LCT: variants seen among roughly 807,000 people sequenced by gnomAD.
The protein encoded by LCT is lactase.
In LCT, 90 loss-of-function variants were observed where a neutral mutation model predicts 173.0. The ratio of observed to expected loss-of-function variants is 0.52; its 90% confidence interval spans 0.44 to 0.62. LCT has a LOEUF of 0.62. LCT is among the 20% of genes least tolerant of loss of function. The probability of loss-of-function intolerance (pLI) is 0.00; values close to 1 mark genes in which losing one functional copy is unlikely to be tolerated. For synonymous variants in LCT, 853 were observed against 957.6 expected (o/e 0.89, Z 2.02); for missense variants, 1,864 against 2,431.4 (o/e 0.77, Z 4.91).
At chr2:135,820,061 T>G (rs968864742) in intron 5 of LCT, 2 of 152,180 alleles carry the variant, frequency 1.3e-5, no homozygotes, top group African/African-American at 4.8e-5. Flanking sequence ...TGCCACATTC[T>G]CATGTGAGAG....
At position 135,787,969 on chromosome 2, in the gene LCT, G is replaced by T. The variant is rs1559546840; in HGVS notation, c.*355C>A. 1 of 316,014 alleles carries T rather than the reference G, an allele frequency of 3.2e-6. No homozygotes were observed. The allele number at this position is 316,014 out of a possible 1,614,324, so 19.6% of individuals were successfully genotyped here. A position where few individuals can be genotyped will look rare whatever the true frequency, so the allele number is the denominator to read the frequency against. Reference sequence around the variant, plus strand: ...GGAGTTGATTTCTTCTTATAGGAAGGATTTTTACGGTTTTTGCTCCCTTAA... The same window carrying T: ...GGAGTTGATTTCTTCTTATAGGAAGTATTTTTACGGTTTTTGCTCCCTTAA... On this transcript the variant is annotated 3_prime_UTR_variant, in exon 17 of 17. Transcript: ENST00000264162.
chr2:135,834,169 G>T (rs895824035), intron 1 of LCT, among the ~76,000 whole-genome samples: 4 of 152,012 alleles, frequency 2.6e-5, no homozygotes, highest in African/African-American at 9.7e-5. Flanking sequence ...GAATAAGGCA[G>T]CTATGATGTC....
rs756678480 is a variant in LCT at position 135,837,032 on chromosome 2, G to A, written c.138C>T (p.Leu46=). 2 of 1,614,102 alleles carry A rather than the reference G, an allele frequency of 1.2e-6. No homozygotes were observed. Among genetic ancestry groups the A allele is most frequent in the South Asian group, 1.1e-5 (1 of 91,074 alleles). The change falls in exon 1 of 17, where the codon CTC becomes CTT. Residue 46 remains leucine (L), a synonymous_variant. Coordinates refer to ENST00000264162, the MANE Select transcript of LCT (RefSeq NM_002299.4). ...CAAAGTTAGAACTCTGGTCTCCCAGGAGACCACTCAGGTTGTGCAGCAAGT... is the reference window on the plus strand; with the variant it reads ...CAAAGTTAGAACTCTGGTCTCCCAGAAGACCACTCAGGTTGTGCAGCAAGT... The part of the protein sequence containing the change: ...TNDLLHNLSG[L]LGDQSSNFVA...
At chr2:135,821,332 C>G (rs2077828401) in intron 5 of LCT, among the ~76,000 whole-genome samples, 1 of 152,172 alleles carries the variant, frequency 6.6e-6, no homozygotes, top group East Asian at 1.9e-4. Flanking sequence ...AGCTGGCTTT[C>G]CTGTCTATGC....
At chr2:135,798,165 C>T (rs746206232) in intron 12 of LCT, 27 bp from the exon 13 acceptor site, 3 of 1,194,894 alleles carry the variant, frequency 2.5e-6, no homozygotes, top group Admixed American at 3.4e-5. Context: ...GGAGACAGCC[C>T]AGGCGTTACA....
At chr2:135,812,121 G>A (rs749551658) in intron 7 of LCT, among the ~76,000 whole-genome samples, 190 bp downstream of exon 7, 1 of 152,150 alleles carries the variant, frequency 6.6e-6, no homozygotes, top group African/African-American at 2.4e-5. Flanking sequence ...AACCACAGGA[G>A]CAAAGACGTG....
At chr2:135,820,769 G>A (rs1260622581) in intron 5 of LCT, 1 of 152,172 alleles carries the variant, frequency 6.6e-6, no homozygotes, top group African/African-American at 2.4e-5. Flanking sequence ...GAGGTTCTGG[G>A]CAATTCCCAG....
At chr2:135,791,005 A>G (rs1355886886) in intron 14 of LCT, 124 bp from the exon 15 acceptor site, 2 of 763,938 alleles carry the variant, frequency 2.6e-6, no homozygotes, top group African/African-American at 1.7e-5. Context: ...TAAGAATCAT[A>G]CTAAACCCAG....
Position 135,809,595 on chromosome 2 carries a change from T to A in LCT, c.2752A>T (p.Ile918Phe). 2 of 1,614,178 alleles carry A rather than the reference T, an allele frequency of 1.2e-6. No individual in the cohort carries two copies. ...CCATCGGCATCCCACGCGCCTTCAA[T>A]CTGATAAGCGGAAGAGGACACGCCC... is the stretch of plus-strand genomic sequence containing the variant. ...LWGVSSSAYQIEGAWDADGKG... is the reference protein window; with the variant it reads ...LWGVSSSAYQFEGAWDADGKG... The change falls in exon 8 of 17, where the codon ATT (isoleucine) becomes TTT (phenylalanine). Residue 918 changes from isoleucine to phenylalanine, a missense_variant. Transcript: ENST00000264162. This position sits in a 1 kb window ranked among gnomAD's most constrained non-coding sequence, Gnocchi z 5.5.
Position 135,805,070 on chromosome 2 carries a change from AG to A in LCT, c.4174-14del. 1 of 1,613,896 alleles carries A rather than the reference AG, an allele frequency of 6.2e-7. No individual in the cohort carries two copies. The highest frequency in any genetic ancestry group is 8.5e-7 in the Non-Finnish European group (1 of 1,179,736). ...ACGCACCTTCAATCTCAAGATGACA[AG>A]ACATGGTCTTATTAAGTCATTCAGT... On this transcript the variant is annotated splice_polypyrimidine_tract_variant and intron_variant, in intron 9 of 16. Coordinates refer to ENST00000264162, the MANE Select transcript of LCT (RefSeq NM_002299.4).
chr2:135,834,904 T>C (rs1326456103), intron 1 of LCT, among the ~76,000 whole-genome samples: 1 of 149,222 alleles, frequency 6.7e-6, no homozygotes, highest in African/African-American at 2.5e-5. Flanking sequence ...AAATTAGTAA[T>C]AAAATATAGC....
At chr2:135,795,300 TG>T (rs2077573550) in intron 13 of LCT, among the ~76,000 whole-genome samples, 1 of 151,956 alleles carries the variant, frequency 6.6e-6, no homozygotes. Context: ...CTCCGCCTCC[TG>T]GGTTCAAGTG....
In LCT at chr2:135,809,930, T is replaced by G; in HGVS notation, c.2417A>C (p.Glu806Ala). ...CCGCTGGCTGTAACCAGAAGGGCCT[T>G]CGAAGCCATCAATGAGGGAACGAGC... The part of the protein sequence containing the change: ...YIARSLIDGF[E>A]GPSGYSQRFG... Residue 806 changes from glutamate (E) to alanine (A), a missense_variant, in exon 8 of 17, where the codon GAA becomes GCA. Transcript: ENST00000264162. The surrounding 1 kb of genome is among the most constrained non-coding windows in gnomAD (Gnocchi z 5.5). The G allele has an allele frequency of 6.2e-7, 1 of 1,614,186 alleles. No individual in the cohort carries two copies. The highest frequency in any genetic ancestry group is 8.5e-7 in the Non-Finnish European group (1 of 1,180,032).
Position 135,828,928 on chromosome 2 carries a change from C to T in LCT, c.804+665G>A, listed in dbSNP as rs181090292. Among the ~76,000 whole-genome samples the T allele has an allele frequency of 9.3e-4, 141 of 152,234 alleles. 1 individual carries two copies. The highest frequency in any genetic ancestry group is 1.1e-3 in the African/African-American group (46 of 41,526). ...TTTACAGGCCAGGTGTGGTGGCTCA[C>T]GCCTGTAATCCCAACACTTTGGGAG... On this transcript the variant is annotated intron_variant, in intron 3 of 16. Coordinates refer to ENST00000264162, the MANE Select transcript of LCT (RefSeq NM_002299.4).
rs144710681 is a variant in LCT at position 135,801,996 on chromosome 2, C to A, written c.4664-1187G>T. On this transcript the variant is annotated intron_variant, in intron 11 of 16. Coordinates refer to ENST00000264162, the MANE Select transcript of LCT (RefSeq NM_002299.4). Reference sequence around the variant, plus strand: ...AAATGAATTGACAGGAGTTGATAATCTGGAGCTCCTTGGGGACCCATTGTG... The same window carrying A: ...AAATGAATTGACAGGAGTTGATAATATGGAGCTCCTTGGGGACCCATTGTG... Among the ~76,000 whole-genome samples the A allele has an allele frequency of 1.6e-4, 24 of 152,250 alleles. 3 individuals carry two copies. The highest frequency in any genetic ancestry group is 5.5e-4 in the African/African-American group (23 of 41,556).
chr2:135,836,496 C>T, intron 1 of LCT, 34 bp downstream of exon 1: 1 of 1,607,578 alleles, frequency 6.2e-7, no homozygotes, highest in Non-Finnish European at 8.5e-7. Flanking sequence ...ATGAAGGTTG[C>T]CGAGGGGTCA....
At chr2:135,803,796 A>T in intron 11 of LCT, 134 bp downstream of exon 11, 1 of 769,764 alleles carries the variant, frequency 1.3e-6, no homozygotes, top group South Asian at 1.5e-5. Context: ...AAACCTCTAC[A>T]GCCCTGAGCA....
intron 12 of LCT, among the ~76,000 whole-genome samples, chr2:135,799,005 C>A: frequency 6.6e-6 from 1 of 152,102 alleles, no homozygotes; most frequent in East Asian, 1.9e-4. Context: ...GATATGACAG[C>A]CTAACGTTTC....
At position 135,836,752 on chromosome 2, in the gene LCT, T is replaced by G; in HGVS notation, c.418A>C (p.Thr140Pro). ...ILHHQTLPAS[T>P]LRRTEAFADL... ...GCAAAGGCTTCGGTTCTCCGGAGGG[T>G]GCTGGCAGGGAGGGTCTGGTGGTGC... Residue 140 changes from threonine to proline, a missense_variant, in exon 1 of 17, where the codon ACC becomes CCC. Transcript: ENST00000264162. 1 of 1,613,862 alleles carries G rather than the reference T, an allele frequency of 6.2e-7. No homozygotes were observed. Among genetic ancestry groups the G allele is most frequent in the Non-Finnish European group, 8.5e-7 (1 of 1,179,962 alleles).
Sources: allele counts gnomAD v4.1 joint callset (sites outside exome capture counted in the v4.1 genomes callset), GRCh38; gene constraint gnomAD v4.1.1; non-coding constraint Gnocchi (gnomAD v3.1); transcripts MANE v1.5; gene names NCBI Gene and HGNC (gene_info 2026-07-23, HGNC 2026-07-21).